Variants in CNTN5 observed in about 807,000 individuals in gnomAD.
The protein encoded by CNTN5 is contactin-5.
CNTN5 carries 77 observed loss-of-function variants against 129.1 expected under a neutral mutation model. The ratio of observed to expected loss-of-function variants is 0.60; its 90% CI spans 0.50 to 0.72. The LOEUF is 0.72. Ranked by LOEUF, CNTN5 falls within the 30% of genes least tolerant of loss-of-function variation. CNTN5 has a pLI of 0.00. For missense variants in CNTN5, 1,478 were observed against 1,328.8 expected (o/e 1.11, Z -1.75); for synonymous variants, 509 against 465.6 (o/e 1.09, Z -1.20).
chr11:99,784,500 T>A (rs966394865), intron 3 of CNTN5, among the ~76,000 whole-genome samples: 5 of 151,906 alleles, frequency 3.3e-5, no homozygotes, highest in African/African-American at 1.2e-4. Context: ...TGGTTCCAAG[T>A]CTTTCCTATT....
chr11:99,623,353 C>A (rs1000214674), intron 3 of CNTN5, among the ~76,000 whole-genome samples: 2 of 152,050 alleles, frequency 1.3e-5, no homozygotes, highest in African/African-American at 2.4e-5. Flanking sequence ...GGTCAAGATA[C>A]TATCTTTGAC....
At chr11:99,394,507 T>C (rs1304295055) in intron 2 of CNTN5, among the ~76,000 whole-genome samples, 1 of 150,990 alleles carries the variant, frequency 6.6e-6, no homozygotes, top group East Asian at 1.9e-4. Context: ...AACTATTATA[T>C]AATTTTCTTT....
chr11:99,048,078 G>GC (rs1195176307), intron 1 of CNTN5, among the ~76,000 whole-genome samples: 7 of 151,396 alleles, frequency 4.6e-5, no homozygotes, highest in African/African-American at 1.7e-4. Flanking sequence ...ATACTCTAAA[G>GC]CTTAAAAAAA....
At chr11:100,324,584 TTCTC>T (rs1034857961) in intron 21 of CNTN5, among the ~76,000 whole-genome samples, 3 of 152,168 alleles carry the variant, frequency 2.0e-5, no homozygotes, top group African/African-American at 4.8e-5. Context: ...CTATTCAATA[TTCTC>T]TCTTTCAAAA....
intron 1 of CNTN5, among the ~76,000 whole-genome samples, chr11:99,199,394 A>C (rs533419812): frequency 6.6e-6 from 1 of 152,326 alleles, no homozygotes; most frequent in South Asian, 2.1e-4. Flanking sequence ...AATGATAGAA[A>C]AATTATGAGA....
intron 1 of CNTN5, among the ~76,000 whole-genome samples, chr11:99,263,324 C>A (rs1862732569): frequency 3.3e-5 from 5 of 152,040 alleles, no homozygotes; most frequent in Admixed American, 3.3e-4. Flanking sequence ...GTTCAGTGAT[C>A]AATGATTGTG....
intron 3 of CNTN5, among the ~76,000 whole-genome samples, chr11:99,681,275 C>A (rs745706746): frequency 9.9e-5 from 15 of 152,006 alleles, no homozygotes; most frequent in Non-Finnish European, 1.9e-4. Flanking sequence ...GATTCCAATT[C>A]TGAAAGATGC....
intron 18 of CNTN5, among the ~76,000 whole-genome samples, chr11:100,273,389 G>T (rs933499323): frequency 2.0e-5 from 3 of 152,168 alleles, no homozygotes; most frequent in Non-Finnish European, 2.9e-5. Context: ...CCCTGACAGC[G>T]CCTGGTAGTA....
chr11:100,346,481 C>T (rs1422292967), intron 23 of CNTN5, among the ~76,000 whole-genome samples: 1 of 152,128 alleles, frequency 6.6e-6, no homozygotes. Context: ...ACTCAATGTT[C>T]AGGGGCTATG....
At chr11:100,305,933 G>A (rs535071909) in intron 20 of CNTN5, among the ~76,000 whole-genome samples, 5 of 145,310 alleles carry the variant, frequency 3.4e-5, no homozygotes, top group Non-Finnish European at 7.5e-5. Flanking sequence ...TAATACTAAC[G>A]ATAGCTGATT....
At chr11:99,768,664 A>G (rs1305382565) in intron 3 of CNTN5, among the ~76,000 whole-genome samples, 1 of 152,142 alleles carries the variant, frequency 6.6e-6, no homozygotes, top group African/African-American at 2.4e-5. Context: ...TTGATAAAAA[A>G]TGTTATGCAG....
intron 13 of CNTN5, among the ~76,000 whole-genome samples, chr11:100,080,454 C>G (rs1353852731): frequency 6.6e-6 from 1 of 152,112 alleles, no homozygotes; most frequent in East Asian, 1.9e-4. Flanking sequence ...TATTTGACTT[C>G]TAGTGGGAAT....
chr11:99,474,667 T>C (rs1945301557), intron 2 of CNTN5, among the ~76,000 whole-genome samples: 1 of 152,184 alleles, frequency 6.6e-6, no homozygotes, highest in African/African-American at 2.4e-5. Context: ...AACTTTGCAG[T>C]ATTTAATCTT....
At position 99,264,587 on chromosome 11, in the gene CNTN5, A is replaced by G. The variant is rs545317258; in HGVS notation, c.-209-60759A>G. Among the ~76,000 whole-genome samples, 4 of 152,202 alleles carry G rather than the reference A, an allele frequency of 2.6e-5. No individual in the cohort carries two copies. The South Asian group carries it at 8.3e-4, about 32-fold the overall frequency. The stretch of plus-strand genomic sequence containing the variant: ...TCCACAGTGATGCAACATGAAGATG[A>G]TAGATTTTATTCAATCATGCAACAT... On this transcript the variant is annotated intron_variant, in intron 1 of 24. Transcript: ENST00000524871.
At chr11:99,704,399 A>T (rs1038957625) in intron 3 of CNTN5, among the ~76,000 whole-genome samples, 4 of 151,186 alleles carry the variant, frequency 2.6e-5, no homozygotes, top group Middle Eastern at 3.4e-3. Flanking sequence ...TTGTGAATAG[A>T]CTTAAGTTGT....
intron 3 of CNTN5, among the ~76,000 whole-genome samples, chr11:99,788,103 C>T (rs1945602341): frequency 1.3e-5 from 2 of 152,040 alleles, no homozygotes; most frequent in African/African-American, 2.4e-5. Flanking sequence ...TTGCTTCGTT[C>T]TATTTTCAGG....
At chr11:99,150,676 AAAGATT>A (rs1860010286) in intron 1 of CNTN5, among the ~76,000 whole-genome samples, 1 of 152,064 alleles carries the variant, frequency 6.6e-6, no homozygotes, top group Non-Finnish European at 1.5e-5. Context: ...TGAAAAAGAT[AAAGATT>A]TAGTAAGAAT....
intron 2 of CNTN5, among the ~76,000 whole-genome samples, chr11:99,396,317 A>G (rs1005087841): frequency 9.2e-5 from 14 of 151,684 alleles, no homozygotes; most frequent in African/African-American, 3.1e-4. Context: ...AAAAATACCC[A>G]AAGTGCTTGC....
chr11:99,824,275 T>C (rs180979072), intron 4 of CNTN5, among the ~76,000 whole-genome samples: 1 of 152,048 alleles, frequency 6.6e-6, no homozygotes, highest in African/African-American at 2.4e-5. Context: ...TTTCTCCACA[T>C]TGTCACCAAC....
Sources: gnomAD v4.1 joint callset for allele counts (sites outside exome capture counted in the v4.1 genomes callset) on GRCh38, gnomAD v4.1.1 for gene constraint, MANE v1.5 for transcripts, NCBI Gene and HGNC (gene_info 2026-07-23, HGNC 2026-07-21) for gene names.